The following NDUFA3 variants were observed in gnomAD, a reference collection of about 807,000 sequenced individuals.
NDUFA3 encodes NADH:ubiquinone oxidoreductase subunit A3.
A neutral mutation model predicts 11.4 loss-of-function variants in NDUFA3; 10 were observed. The ratio of observed to expected loss-of-function variants is 0.87; its 90% CI spans 0.54 to 1.48. The LOEUF (loss-of-function observed/expected upper bound fraction) is 1.48, where lower values mean the gene tolerates loss of function less well. Among genes scored for constraint, NDUFA3 ranks in the 40% most tolerant of loss-of-function variants. The pLI is 0.00. For synonymous variants in NDUFA3, 39 were observed against 46.9 expected (o/e 0.83, Z 0.68); for missense variants, 115 against 110.5 (o/e 1.04, Z -0.18).
At chr19:54,104,101 G>A (rs778594419) in intron 2 of NDUFA3, among the ~76,000 whole-genome samples, 30 of 149,342 alleles carry the variant, frequency 2.0e-4, no homozygotes, top group Non-Finnish European at 4.1e-4. Context: ...CCAAAGTGCT[G>A]GGATTACAGG....
At chr19:54,106,357 G>A in intron 3 of NDUFA3, 1 of 384,542 alleles carries the variant, frequency 2.6e-6, no homozygotes, top group East Asian at 5.9e-5. Context: ...TTTTAGTAGA[G>A]GCGGGGTTTC....
rs756140239 is a variant in NDUFA3 at position 54,107,142 on chromosome 19, C to A, written c.*240C>A. The A allele has an allele frequency of 6.2e-7, 1 of 1,613,962 alleles. No homozygotes were observed. Among genetic ancestry groups the A allele is most frequent in the South Asian group, 1.1e-5 (1 of 91,076 alleles). ...CTGGAATCCAGGGCCTCATCTGCTT[C>A]AAAGCCAAAGTCTTCCTCAACCTTA... On this transcript the variant is annotated 3_prime_UTR_variant, in exon 4 of 4. Coordinates refer to ENST00000485876, the MANE Select transcript of NDUFA3 (RefSeq NM_004542.4).
rs2073278785 is a variant in NDUFA3, at chr19:54,106,882, G to C, written c.235G>C (p.Glu79Gln). ...CCAGGACCCTCAGGGCCCCAGCCTGGAGTGGCTGAAGAAACTGTGAGCACC... is the reference window on the plus strand; with the variant it reads ...CCAGGACCCTCAGGGCCCCAGCCTGCAGTGGCTGAAGAAACTGTGAGCACC... Reference protein sequence around the residue: ...HPQDPQGPSLEWLKKL With the variant: ...HPQDPQGPSLQWLKKL Residue 79 changes from glutamate to glutamine, a missense_variant, in exon 4 of 4, where the codon GAG (glutamate) becomes CAG (glutamine). Glu to Gln is a conservative substitution (Grantham distance 29). Coordinates refer to ENST00000485876, the MANE Select transcript of NDUFA3 (RefSeq NM_004542.4). 2 of 1,613,240 alleles carry C rather than the reference G, an allele frequency of 1.2e-6. No homozygotes were observed. The highest frequency in any genetic ancestry group is 1.7e-6 in the Non-Finnish European group (2 of 1,179,834).
At chr19:54,105,263 G>GATTTTTTTTTTTTTT (rs1201834834) in intron 2 of NDUFA3, among the ~76,000 whole-genome samples, 1,379 of 38,896 alleles carry the variant, frequency 0.035, 52 homozygotes, top group African/African-American at 0.07. Context: ...AGTTTGTAAG[G>GATTTTTTTTTTTTTT]CTTTTTTTTT....
Position 54,103,121 on chromosome 19 carries a change from C to T in NDUFA3, c.18C>T (p.Gly6=), listed in dbSNP as rs761066351. 6 of 1,611,948 alleles carry T rather than the reference C, an allele frequency of 3.7e-6. No individual in the cohort carries two copies. The highest frequency in any genetic ancestry group is 5.1e-6 in the Non-Finnish European group (6 of 1,178,880). Residue 6 remains glycine, a synonymous_variant, in exon 2 of 4, where the codon GGC becomes GGT. Transcript: ENST00000485876. ...TTCTTGCCACCCCTTCAGGAGTCGG[C>T]GCCTTCCTCAAGAATGCCTGGGACA... MAARV[G]AFLKNAWDKE... is the part of the protein sequence containing the mutation.
In NDUFA3 at chr19:54,107,223, A is replaced by G. The variant is rs1018934619; in HGVS notation, c.*321A>G. 15 of 1,580,800 alleles carry G rather than the reference A, an allele frequency of 9.5e-6. No individual in the cohort carries two copies. The highest frequency in any genetic ancestry group is 1.2e-5 in the Non-Finnish European group (14 of 1,165,082). ...CAGGCCTGGGAATCTAGAAAATCCC[A>G]TCAGCTTCACCATTTTTGTTTTCAT... On this transcript the variant is annotated 3_prime_UTR_variant, in exon 4 of 4. Coordinates refer to ENST00000485876, the MANE Select transcript of NDUFA3 (RefSeq NM_004542.4).
chr19:54,106,140 C>G, intron 3 of NDUFA3, 129 bp downstream of exon 3: 1 of 818,264 alleles, frequency 1.2e-6, no homozygotes, highest in Non-Finnish European at 2.0e-6. Flanking sequence ...ACCCCCCGTT[C>G]CATTTTTTAA....
In NDUFA3 at chr19:54,106,952, T is replaced by A; in HGVS notation, c.*50T>A. 1 of 1,600,598 alleles carries A rather than the reference T, an allele frequency of 6.2e-7. No homozygotes were observed. The highest frequency in any genetic ancestry group is 8.5e-7 in the Non-Finnish European group (1 of 1,172,784). ...CCTCCCACGGCTCCCAATAAAAATG[T>A]GAAAACCAACCCCCGAACGTGAGCA... is the stretch of plus-strand genomic sequence containing the variant. On this transcript the variant is annotated 3_prime_UTR_variant, in exon 4 of 4. Transcript: ENST00000485876.
rs1354413837 is a variant in NDUFA3, at chr19:54,107,180, T to TA, written c.*280dup. 6.2e-7 allele frequency: 1 copy of TA among 1,611,664 alleles called. No homozygotes were observed. Among genetic ancestry groups the TA allele is most frequent in the Non-Finnish European group, 8.5e-7 (1 of 1,179,414 alleles). ...TTCCTCAACCTTAATCTGCAGGAGATAAGGAACAAGGTGTTAACAGGCCTG... is the reference window on the plus strand; with the variant it reads ...TTCCTCAACCTTAATCTGCAGGAGATAAAGGAACAAGGTGTTAACAGGCCTG... On this transcript the variant is annotated 3_prime_UTR_variant, in exon 4 of 4. Transcript: ENST00000485876.
At chr19:54,104,740 T>TG (rs35172071) in intron 2 of NDUFA3, among the ~76,000 whole-genome samples, 72,411 of 150,470 alleles carry the variant, frequency 0.48, 17,515 homozygotes, top group Non-Finnish European at 0.53. Flanking sequence ...TTTTTTTGTT[T>TG]GTTTGTTTTT....
At chr19:54,106,273 A>G in intron 3 of NDUFA3, 1 of 485,424 alleles carries the variant, frequency 2.1e-6, no homozygotes, top group Non-Finnish European at 3.7e-6. Context: ...ATCTCAGCTC[A>G]CTGCAAGCTC....
At chr19:54,102,973 G>C in intron 1 of NDUFA3, 85 bp downstream of exon 1, 1 of 1,565,092 alleles carries the variant, frequency 6.4e-7, no homozygotes, top group Non-Finnish European at 8.7e-7. Context: ...CGGCAGGGCA[G>C]GGGTGGAAGC....
chr19:54,105,029 C>G (rs2073212237), intron 2 of NDUFA3, among the ~76,000 whole-genome samples: 1 of 152,100 alleles, frequency 6.6e-6, no homozygotes, highest in African/African-American at 2.4e-5. Context: ...TGAGCCACCT[C>G]GCCCATCCAA....
chr19:54,105,918 CTG>C lies in NDUFA3; in HGVS notation c.86-12_86-11del, dbSNP rs758749384. 3 of 1,603,628 alleles carry C rather than the reference CTG, an allele frequency of 1.9e-6. No homozygotes were observed. The highest frequency in any genetic ancestry group is 2.2e-5 in the East Asian group (1 of 44,804). ...AGCCACCTTCCCCTGGGCCTCACCC[CTG>C]TGTCTCTCCACAGCTGTAATTCTGC... On this transcript the variant is annotated splice_polypyrimidine_tract_variant and intron_variant, in intron 2 of 3. Coordinates refer to ENST00000485876, the MANE Select transcript of NDUFA3 (RefSeq NM_004542.4).
rs114091845 is a variant in NDUFA3, at chr19:54,106,170, A to T, written c.163+159A>T. ...TTTTAAGAATTGAGATATAATTCGT[A>T]TACTATTCTGTGTTTGTGCTTCGTT... On this transcript the variant is annotated intron_variant, in intron 3 of 3. Transcript: ENST00000485876. 4.3e-3 allele frequency: 2,942 copies of T among 676,564 alleles called. 59 individuals are homozygous for T. The African/African-American group carries it at 0.044, about 10-fold the overall frequency. 41.9% of individuals were successfully genotyped at this position (676,564 alleles called of 1,614,324 possible).
At position 54,107,414 on chromosome 19, in the gene NDUFA3, A is replaced by G. The variant is rs1357071057; in HGVS notation, c.*512A>G. On this transcript the variant is annotated 3_prime_UTR_variant, in exon 4 of 4. Coordinates refer to ENST00000485876, the MANE Select transcript of NDUFA3 (RefSeq NM_004542.4). The stretch of plus-strand genomic sequence containing the variant: ...CAGGCACTTGCCAACCAAGCCTAAC[A>G]TGTTTTTTCTTTTTGGTAGAGATGG... 1.5e-5 allele frequency: 8 copies of G among 530,446 alleles called. No homozygotes were observed. The highest frequency in any genetic ancestry group is 2.3e-5 in the Non-Finnish European group (7 of 301,880). 32.9% of individuals were successfully genotyped at this position (530,446 alleles called of 1,614,324 possible). A position where few individuals can be genotyped will look rare whatever the true frequency, so the allele number is the denominator to read the frequency against.
intron 1 of NDUFA3, 52 bp from the exon 2 acceptor site, chr19:54,103,062 G>A: frequency 1.3e-6 from 2 of 1,590,888 alleles, no homozygotes; most frequent in Non-Finnish European, 1.7e-6. Context: ...GAGGGTTAGA[G>A]GTCACCGGGG....
chr19:54,106,990 G>A lies in NDUFA3; in HGVS notation c.*88G>A, dbSNP rs987559395. 12 of 1,605,604 alleles carry A rather than the reference G, an allele frequency of 7.5e-6. No homozygotes were observed. The highest frequency in any genetic ancestry group is 1.7e-5 in the Admixed American group (1 of 58,810). On this transcript the variant is annotated 3_prime_UTR_variant, in exon 4 of 4. Transcript: ENST00000485876. Reference sequence around the variant, plus strand: ...CCGAACGTGAGCATGTGTGTGATCAGAGGTGGGAACAAGTAGACGGTGGCC... The same window carrying A: ...CCGAACGTGAGCATGTGTGTGATCAAAGGTGGGAACAAGTAGACGGTGGCC...
At chr19:54,106,094 C>T (rs2073251988) in intron 3 of NDUFA3, 83 bp downstream of exon 3, 1 of 1,364,552 alleles carries the variant, frequency 7.3e-7, no homozygotes, top group East Asian at 2.3e-5. Context: ...CAGGTCTTTC[C>T]TAAGCAGTTA....
Sources: allele counts gnomAD v4.1 joint callset (sites outside exome capture counted in the v4.1 genomes callset), GRCh38; gene constraint gnomAD v4.1.1; transcripts MANE v1.5; gene names NCBI Gene and HGNC (gene_info 2026-07-23, HGNC 2026-07-21).